The following PRSS56 variants were observed in gnomAD, a reference collection of about 807,000 sequenced individuals.
PRSS56 encodes protease, serine 56.
PRSS56 carries 55 observed loss-of-function variants against 66.8 expected under a neutral mutation model. The ratio of observed to expected loss-of-function variants is 0.82; its 90% confidence interval spans 0.66 to 1.03. The LOEUF (loss-of-function observed/expected upper bound fraction) is 1.03. PRSS56 is among the 50% of genes least tolerant of loss of function. The pLI, the probability that PRSS56 is intolerant of heterozygous loss-of-function variation, is 0.00. For synonymous variants in PRSS56, 409 were observed against 387.9 expected (o/e 1.05, Z -0.64); for missense variants, 869 against 837.2 (o/e 1.04, Z -0.47).
rs1431511260 is a variant in PRSS56, at chr2:232,521,816, G to A, written c.206G>A (p.Gly69Glu). ...GACTCAAAGGTCTGTTTCTCTGCAG[G>A]ATCTGGGCGCCCCAGGCCTCAAGCT... ...EIQHRSHECR[G>E]SGRPRPQALL... is the part of the protein sequence containing the mutation. The change falls in exon 3 of 13, where the codon GGA becomes GAA. Residue 69 changes from glycine to glutamate, a missense_variant and splice_region_variant. Gly to Glu is a moderately conservative substitution (Grantham distance 98). Coordinates refer to ENST00000617714, the MANE Select transcript of PRSS56 (RefSeq NM_001195129.2). 6.5e-7 allele frequency: 1 copy of A among 1,535,906 alleles called. No individual in the cohort carries two copies. Among genetic ancestry groups the A allele is most frequent in the Non-Finnish European group, 8.7e-7 (1 of 1,146,834 alleles).
chr2:232,523,095 G>A lies in PRSS56; in HGVS notation c.742G>A (p.Val248Ile). The change falls in exon 7 of 13, where the codon GTT becomes ATT. Residue 248 changes from valine to isoleucine, a missense_variant. By Grantham distance (29) the Val-to-Ile change is conservative (BLOSUM62 3). Coordinates refer to ENST00000617714, the MANE Select transcript of PRSS56 (RefSeq NM_001195129.2). ...GGCTGAAGCAGTGAGAGAGGCCCGTGTTCCCCTGCTCAGCACCGACACCTG... is the reference window on the plus strand; with the variant it reads ...GGCTGAAGCAGTGAGAGAGGCCCGTATTCCCCTGCTCAGCACCGACACCTG... The part of the protein sequence containing the change: ...PEAEAVREAR[V>I]PLLSTDTCRR... 1 of 1,535,268 alleles carries A rather than the reference G, an allele frequency of 6.5e-7. No individual in the cohort carries two copies. Among genetic ancestry groups the A allele is most frequent in the East Asian group, 2.4e-5 (1 of 40,878 alleles).
At chr2:232,521,235 G>C (rs967682880) in intron 1 of PRSS56, 86 bp from the exon 2 acceptor site, 49 of 1,106,682 alleles carry the variant, frequency 4.4e-5, no homozygotes, top group Middle Eastern at 2.4e-4. Context: ...TGGGTCTCCC[G>C]AGGCAGGGCT....
chr2:232,524,962 C>A, intron 12 of PRSS56, 118 bp downstream of exon 12: 1 of 915,742 alleles, frequency 1.1e-6, no homozygotes, highest in Non-Finnish European at 1.6e-6. Flanking sequence ...GTCGCCTCTG[C>A]CCCAGCTCTG....
At position 232,524,373 on chromosome 2, in the gene PRSS56, A is replaced by G; in HGVS notation, c.1414+4A>G. On this transcript the variant is annotated splice_donor_region_variant and intron_variant, in intron 11 of 12. Transcript: ENST00000617714. ...GAGCCGCGCGGAGAAGCCAACGGTA[A>G]TGACGCCCCCTGCCGACCTTCAGGA... 6.5e-7 allele frequency: 1 copy of G among 1,534,954 alleles called. No individual in the cohort carries two copies. The highest frequency in any genetic ancestry group is 8.7e-7 in the Non-Finnish European group (1 of 1,146,486).
intron 6 of PRSS56, 89 bp from the exon 7 acceptor site, chr2:232,522,971 G>T (rs1691317326): frequency 1.4e-6 from 2 of 1,479,016 alleles, no homozygotes; most frequent in African/African-American, 1.4e-5. Context: ...TCTTTCAAAG[G>T]GGGAGGAATC....
chr2:232,522,166 T>A lies in PRSS56; in HGVS notation c.446+6T>A. The A allele has an allele frequency of 6.7e-7, 1 of 1,491,088 alleles. No homozygotes were observed. Among genetic ancestry groups the A allele is most frequent in the Non-Finnish European group, 8.9e-7 (1 of 1,125,566 alleles). The allele number at this position is 1,491,088 out of a possible 1,614,324, so 92.4% of individuals were successfully genotyped here. On this transcript the variant is annotated splice_donor_region_variant and intron_variant, in intron 4 of 12. Coordinates refer to ENST00000617714, the MANE Select transcript of PRSS56 (RefSeq NM_001195129.2). Reference sequence around the variant, plus strand: ...GCAGCGCACTGCTTTGTAGGGTAAGTAGGACCCCCAGGCCTTGCCCAGCTG... The same window carrying A: ...GCAGCGCACTGCTTTGTAGGGTAAGAAGGACCCCCAGGCCTTGCCCAGCTG...
rs1477778652 is a variant in PRSS56 at position 232,520,655 on chromosome 2, GCACCCACTGTACA to G, written c.61_73del (p.Pro21AlafsTer29). 1.3e-6 allele frequency: 2 copies of G among 1,536,030 alleles called. No homozygotes were observed. The highest frequency in any genetic ancestry group is 1.7e-6 in the Non-Finnish European group (2 of 1,146,840). On this transcript the variant is annotated frameshift_variant, in exon 1 of 13. Coordinates refer to ENST00000617714, the MANE Select transcript of PRSS56 (RefSeq NM_001195129.2). LOFTEE classifies it high-confidence loss of function. ...TCCCAAGCTCATGGTTTGCCCACGG[GCACCCACTGTACA>G]CACGCCTGCCCCCCAGCGCCCTGCA...
rs1304813494 is a variant in PRSS56, at chr2:232,524,072, T to C, written c.1220T>C (p.Leu407Pro). Residue 407 changes from leucine (L) to proline (P), a missense_variant, in exon 10 of 13, where the codon CTG (leucine) becomes CCG (proline). Physicochemically the swap from Leu to Pro is moderately conservative, Grantham distance 98 (BLOSUM62 -3). Coordinates refer to ENST00000617714, the MANE Select transcript of PRSS56 (RefSeq NM_001195129.2). ...TCGCTGGCGCACACGCTGCTGGGCC[T>C]GCTGCGGAACGCGCAGGAGCTGCTC... ...LRSLAHTLLGLLRNAQELLGP... is the reference protein window; with the variant it reads ...LRSLAHTLLGPLRNAQELLGP... 1.3e-6 allele frequency: 2 copies of C among 1,523,982 alleles called. No individual in the cohort carries two copies. Among genetic ancestry groups the C allele is most frequent in the Non-Finnish European group, 1.8e-6 (2 of 1,142,510 alleles). 94.4% of individuals were successfully genotyped at this position (1,523,982 alleles called of 1,614,324 possible). A position where few individuals can be genotyped will look rare whatever the true frequency, so the allele number is the denominator to read the frequency against.
chr2:232,520,527 G>C lies in PRSS56; in HGVS notation c.-72G>C, dbSNP rs1691254430. The C allele has an allele frequency of 8.5e-6, 11 of 1,287,810 alleles. No homozygotes were observed. The highest frequency in any genetic ancestry group is 1.1e-5 in the Non-Finnish European group (10 of 920,538). 79.8% of individuals were successfully genotyped at this position (1,287,810 alleles called of 1,614,324 possible). On this transcript the variant is annotated 5_prime_UTR_variant, in exon 1 of 13. Transcript: ENST00000617714. ...AAGGCAGCAGAAGGCGGGCACCAAA[G>C]GATAGGCACCCGGAAGGTGGACTCC...
intron 1 of PRSS56, among the ~76,000 whole-genome samples, chr2:232,521,110 C>T (rs989255174): frequency 2.0e-5 from 3 of 152,244 alleles, no homozygotes; most frequent in African/African-American, 7.2e-5. Flanking sequence ...AGATCCCAGT[C>T]CAGCTCAGTT....
At position 232,522,028 on chromosome 2, in the gene PRSS56, T is replaced by G. The variant is rs1296599539; in HGVS notation, c.314T>G (p.Ile105Ser). ...TANVTRAHGR[I>S]VGGSAAPPGA... ...AATGTGACGCGGGCCCACGGCCGCA[T>G]CGTGGGGGGCAGCGCGGCGCCGCCC... Residue 105 changes from isoleucine to serine, a missense_variant, in exon 4 of 13, where the codon ATC (isoleucine) becomes AGC (serine). Coordinates refer to ENST00000617714, the MANE Select transcript of PRSS56 (RefSeq NM_001195129.2). 1 of 1,461,176 alleles carries G rather than the reference T, an allele frequency of 6.8e-7. No homozygotes were observed. Among genetic ancestry groups the G allele is most frequent in the Non-Finnish European group, 9.0e-7 (1 of 1,113,464 alleles). The allele number at this position is 1,461,176 out of a possible 1,614,324, so 90.5% of individuals were successfully genotyped here.
rs1430815309 is a variant in PRSS56, at chr2:232,522,173, C to T, written c.446+13C>T. On this transcript the variant is annotated intron_variant, in intron 4 of 12. Transcript: ENST00000617714. ...ACTGCTTTGTAGGGTAAGTAGGACCCCCAGGCCTTGCCCAGCTGGGGTCCC... is the reference window on the plus strand; with the variant it reads ...ACTGCTTTGTAGGGTAAGTAGGACCTCCAGGCCTTGCCCAGCTGGGGTCCC... 1 of 1,468,074 alleles carries T rather than the reference C, an allele frequency of 6.8e-7. No individual in the cohort carries two copies. The highest frequency in any genetic ancestry group is 2.4e-5 in the Admixed American group (1 of 42,086). 90.9% of individuals were successfully genotyped at this position (1,468,074 alleles called of 1,614,324 possible).
intron 4 of PRSS56, 51 bp from the exon 5 acceptor site, chr2:232,522,464 G>A (rs909022435): frequency 2.8e-6 from 4 of 1,441,718 alleles, no homozygotes; most frequent in Non-Finnish European, 3.7e-6. Context: ...CGAGGGGCCT[G>A]CGGGGTGTGC....
In PRSS56 at chr2:232,524,761, C is replaced by A. The variant is rs1397887151; in HGVS notation, c.1438C>A (p.Arg480=). The A allele has an allele frequency of 1.3e-6, 2 of 1,530,246 alleles. No homozygotes were observed. Among genetic ancestry groups the A allele is most frequent in the Admixed American group, 3.9e-5 (2 of 50,804 alleles). 94.8% of individuals were successfully genotyped at this position (1,530,246 alleles called of 1,614,324 possible). ...AGGCTGCCCTGGGCTGGAGCCCCTGCGACAGAAGTTGGCTGCCCTGCAGGG... is the reference window on the plus strand; with the variant it reads ...AGGCTGCCCTGGGCTGGAGCCCCTGAGACAGAAGTTGGCTGCCCTGCAGGG... The part of the protein sequence containing the change: ...ANGCPGLEPL[R]QKLAALQGAH... The change falls in exon 12 of 13, where the codon CGA becomes AGA. Residue 480 remains arginine (R), a synonymous_variant. Transcript: ENST00000617714.
At chr2:232,520,804 T>G in intron 1 of PRSS56, 109 bp downstream of exon 1, 1 of 681,800 alleles carries the variant, frequency 1.5e-6, no homozygotes, top group South Asian at 2.0e-5. Flanking sequence ...ATAAGGACCT[T>G]TGGCTCCTTC....
Position 232,521,985 on chromosome 2 carries a change from A to G in PRSS56, c.271A>G (p.Arg91Gly). The G allele has an allele frequency of 6.8e-7, 1 of 1,462,622 alleles. No individual in the cohort carries two copies. 90.6% of individuals were successfully genotyped at this position (1,462,622 alleles called of 1,614,324 possible). The change falls in exon 4 of 13, where the codon AGG (arginine) becomes GGG (glycine). Residue 91 changes from arginine (R) to glycine (G), a missense_variant. Coordinates refer to ENST00000617714, the MANE Select transcript of PRSS56 (RefSeq NM_001195129.2). ...CCCCTTTCTAGGGCCGTGCGGCGAG[A>G]GGCGTCCGAGCACTGCCAATGTGAC... ...DPPEPGPCGE[R>G]RPSTANVTRA... is the part of the protein sequence containing the mutation.
intron 1 of PRSS56, 49 bp downstream of exon 1, chr2:232,520,744 G>A: frequency 3.8e-6 from 5 of 1,301,298 alleles, no homozygotes; most frequent in Non-Finnish European, 5.3e-6. Flanking sequence ...GAATGTAGAG[G>A]AAGTGGGACC....
In PRSS56 at chr2:232,522,084, C is replaced by T. The variant is rs1343652055; in HGVS notation, c.370C>T (p.Leu124Phe). Residue 124 changes from leucine to phenylalanine, a missense_variant, in exon 4 of 13, where the codon CTC becomes TTC. Coordinates refer to ENST00000617714, the MANE Select transcript of PRSS56 (RefSeq NM_001195129.2). ...CTGGCCCTGGCTGGTGAGGCTGCAG[C>T]TCGGCGGGCAGCCTCTGTGCGGCGG... ...GAWPWLVRLQ[L>F]GGQPLCGGVL... 6.6e-7 allele frequency: 1 copy of T among 1,517,318 alleles called. No individual in the cohort carries two copies. Among genetic ancestry groups the T allele is most frequent in the Admixed American group, 2.0e-5 (1 of 49,248 alleles). The allele number at this position is 1,517,318 out of a possible 1,614,324, so 94.0% of individuals were successfully genotyped here. A position where few individuals can be genotyped will look rare whatever the true frequency, so the allele number is the denominator to read the frequency against.
At position 232,522,516 on chromosome 2, in the gene PRSS56, G is replaced by A; in HGVS notation, c.448G>A (p.Ala150Thr). 1 of 1,529,148 alleles carries A rather than the reference G, an allele frequency of 6.5e-7. No individual in the cohort carries two copies. Among genetic ancestry groups the A allele is most frequent in the Admixed American group, 2.0e-5 (1 of 50,724 alleles). The allele number at this position is 1,529,148 out of a possible 1,614,324, so 94.7% of individuals were successfully genotyped here. A position where few individuals can be genotyped will look rare whatever the true frequency, so the allele number is the denominator to read the frequency against. The change falls in exon 5 of 13, where the codon GCC (alanine) becomes ACC (threonine). Residue 150 changes from alanine to threonine, a missense_variant and splice_region_variant. By Grantham distance (58) the Ala-to-Thr change is moderately conservative. Around this residue, in one of 3 missense-constraint regions of PRSS56, gnomAD observed 315 missense variants for 313.7 expected, o/e 1.00. Transcript: ENST00000617714. ...TCTCAGCTGCCGCTCGACCCGCAGC[G>A]CCCCGAATGAGCTTCTGTGGACTGT... The part of the protein sequence containing the change: ...VLTAAHCFVG[A>T]PNELLWTVTL...
Sources: allele counts gnomAD v4.1 joint callset (sites outside exome capture counted in the v4.1 genomes callset), GRCh38; gene constraint gnomAD v4.1.1; regional missense constraint gnomAD v4.1.1; transcripts MANE v1.5; gene names NCBI Gene and HGNC (gene_info 2026-07-23, HGNC 2026-07-21).